The following B3GNT7 variants were observed in gnomAD, a reference collection of about 807,000 sequenced individuals.
B3GNT7 encodes the protein UDP-GlcNAc:betaGal beta-1,3-N-acetylglucosaminyltransferase 7.
In B3GNT7, 9 loss-of-function variants were observed where a neutral mutation model predicts 5.1. The observed-to-expected ratio is 1.77, with a 90% CI of 1.07 to 3.09. The LOEUF (loss-of-function observed/expected upper bound fraction) is 3.09, where lower values mean the gene tolerates loss of function less well. Among genes scored for constraint, B3GNT7 ranks in the 30% most tolerant of loss-of-function variants. B3GNT7 has a pLI of 0.00. For missense variants in B3GNT7, 468 were observed against 550.8 expected, an observed-to-expected ratio of 0.85 and a Z score of 1.50; for synonymous variants, 253 against 248.6, an observed-to-expected ratio of 1.02 and a Z score of -0.17.
rs1182559141 is a variant in B3GNT7 at position 231,401,050 on chromosome 2, C to G, written c.*2125C>G. On this transcript the variant is annotated 3_prime_UTR_variant, in exon 2 of 2. Transcript: ENST00000287590. Reference sequence around the variant, plus strand: ...TCTATTATGACCCTTTCACGTGGACCCCTTAGAGTTGTAAGCTCTTAAAAG... The same window carrying G: ...TCTATTATGACCCTTTCACGTGGACGCCTTAGAGTTGTAAGCTCTTAAAAG... 1 of 152,192 alleles carries G rather than the reference C, an allele frequency of 6.6e-6. No individual in the cohort carries two copies. Among genetic ancestry groups the G allele is most frequent in the Non-Finnish European group, 1.5e-5 (1 of 68,036 alleles). 9.4% of individuals were successfully genotyped at this position (152,192 alleles called of 1,614,324 possible).
At chr2:231,397,283 C>T in intron 1 of B3GNT7, 1 of 989,108 alleles carries the variant, frequency 1.0e-6, no homozygotes, top group African/African-American at 1.7e-5. Flanking sequence ...TGGGTAGGTA[C>T]ACCGCAGGGA....
chr2:231,398,762 A>G lies in B3GNT7; in HGVS notation c.1043A>G (p.Lys348Arg), dbSNP rs371784374. 41 of 1,609,222 alleles carry G rather than the reference A, an allele frequency of 2.5e-5. No homozygotes were observed. The African/African-American group carries it at 4.7e-4, about 18-fold the overall frequency. Residue 348 changes from lysine to arginine, a missense_variant, in exon 2 of 2, where the codon AAG (lysine) becomes AGG (arginine). Coordinates refer to ENST00000287590, the MANE Select transcript of B3GNT7 (RefSeq NM_145236.3). ...CAGCCCACGGCCCACGAGGGCTTCA[A>G]GACTTTCGGCATCTCCCGGAACCGC... ...GVQPTAHEGF[K>R]TFGISRNRNS...
chr2:231,396,570 T>C (rs2046516306), intron 1 of B3GNT7, among the ~76,000 whole-genome samples: 1 of 152,202 alleles, frequency 6.6e-6, no homozygotes, highest in South Asian at 2.1e-4. Context: ...GGCCTGGACC[T>C]GCAACCGGAC....
rs925730480 is a variant in B3GNT7, at chr2:231,399,997, G to C, written c.*1072G>C. ...TCTGCCCCGGTGAAGGGATGGATCAGCTGTGGGGGTGGGTGCAGAAGGTTG... is the reference window on the plus strand; with the variant it reads ...TCTGCCCCGGTGAAGGGATGGATCACCTGTGGGGGTGGGTGCAGAAGGTTG... On this transcript the variant is annotated 3_prime_UTR_variant, in exon 2 of 2. Transcript: ENST00000287590. 2.0e-5 allele frequency: 3 copies of C among 152,096 alleles called. No homozygotes were observed. The highest frequency in any genetic ancestry group is 7.3e-5 in the African/African-American group (3 of 41,336). 9.4% of individuals were successfully genotyped at this position (152,096 alleles called of 1,614,324 possible). A position where few individuals can be genotyped will look rare whatever the true frequency, so the allele number is the denominator to read the frequency against.
Position 231,398,536 on chromosome 2 carries a change from C to A in B3GNT7, c.817C>A (p.Arg273=). The part of the protein sequence containing the change: ...LFVGDVLQHA[R]PIRRKDNKYY... ...CGTGGGCGATGTCCTGCAGCACGCT[C>A]GGCCCATTCGCAGGAAAGACAACAA... Residue 273 remains arginine (R), a synonymous_variant, in exon 2 of 2, where the codon CGG becomes AGG. Coordinates refer to ENST00000287590, the MANE Select transcript of B3GNT7 (RefSeq NM_145236.3). 1 of 1,613,542 alleles carries A rather than the reference C, an allele frequency of 6.2e-7. No individual in the cohort carries two copies. Among genetic ancestry groups the A allele is most frequent in the South Asian group, 1.1e-5 (1 of 91,076 alleles).
Position 231,398,580 on chromosome 2 carries a change from C to G in B3GNT7, c.861C>G (p.Ala287=), listed in dbSNP as rs1376511850. The G allele has an allele frequency of 1.2e-6, 2 of 1,612,784 alleles. No individual in the cohort carries two copies. Among genetic ancestry groups the G allele is most frequent in the Admixed American group, 3.3e-5 (2 of 59,904 alleles). Residue 287 remains alanine (A), a synonymous_variant, in exon 2 of 2, where the codon GCC becomes GCG. Transcript: ENST00000287590. ...ACAACAAATACTACATCCCGGGGGCCCTGTACGGCAAGGCCAGCTATCCGC... is the reference window on the plus strand; with the variant it reads ...ACAACAAATACTACATCCCGGGGGCGCTGTACGGCAAGGCCAGCTATCCGC... ...RKDNKYYIPG[A]LYGKASYPPY... is the part of the protein sequence containing the mutation.
Position 231,395,711 on chromosome 2 carries a change from T to A in B3GNT7, c.-93T>A, listed in dbSNP as rs1575236442. On this transcript the variant is annotated 5_prime_UTR_variant, in exon 1 of 2. Transcript: ENST00000287590. The surrounding 1 kb of genome is among the most constrained non-coding windows in gnomAD (Gnocchi z 7.3). ...GTCGCGGCGGGGGCGCGGCCCGGTC[T>A]CCGTCCCCACCCGCCCGCCGTCCCG... is the stretch of plus-strand genomic sequence containing the variant. 2 of 1,117,036 alleles carry A rather than the reference T, an allele frequency of 1.8e-6. No homozygotes were observed. Among genetic ancestry groups the A allele is most frequent in the East Asian group, 4.8e-5 (1 of 20,882 alleles). 69.2% of individuals were successfully genotyped at this position (1,117,036 alleles called of 1,614,324 possible). A position where few individuals can be genotyped will look rare whatever the true frequency, so the allele number is the denominator to read the frequency against.
At position 231,398,437 on chromosome 2, in the gene B3GNT7, G is replaced by T; in HGVS notation, c.718G>T (p.Asp240Tyr). ...CCACGTCCCCTTCATTTTCAAAGGC[G>T]ACGATGACGTCTTCGTCAACCCCAC... ...CPHVPFIFKGDDDVFVNPTNL... is the reference protein window; with the variant it reads ...CPHVPFIFKGYDDVFVNPTNL... Residue 240 changes from aspartate to tyrosine, a missense_variant, in exon 2 of 2, where the codon GAC (aspartate) becomes TAC (tyrosine). Transcript: ENST00000287590. 2 of 1,613,756 alleles carry T rather than the reference G, an allele frequency of 1.2e-6. No individual in the cohort carries two copies. The highest frequency in any genetic ancestry group is 1.7e-6 in the Non-Finnish European group (2 of 1,179,868).
intron 1 of B3GNT7, chr2:231,397,153 C>T (rs542960530): frequency 5.1e-6 from 5 of 982,292 alleles, no homozygotes; most frequent in South Asian, 9.4e-5. Flanking sequence ...GTCCCAAGCT[C>T]GAGCCACTCT....
Position 231,398,028 on chromosome 2 carries a change from C to T in B3GNT7, c.309C>T (p.Val103=). Residue 103 remains valine (V), a synonymous_variant, in exon 2 of 2, where the codon GTC becomes GTT. Coordinates refer to ENST00000287590, the MANE Select transcript of B3GNT7 (RefSeq NM_145236.3). The part of the protein sequence containing the change: ...INLTHQPWFQ[V]LEPQFRQFLF... ...TGACCCACCAGCCCTGGTTCCAGGT[C>T]CTGGAGCCGCAGTTCCGGCAGTTTC... The T allele has an allele frequency of 1.1e-5, 17 of 1,610,136 alleles. No individual in the cohort carries two copies. The highest frequency in any genetic ancestry group is 1.4e-5 in the Non-Finnish European group (17 of 1,179,888).
At chr2:231,396,710 G>A (rs2046517931) in intron 1 of B3GNT7, among the ~76,000 whole-genome samples, 1 of 152,234 alleles carries the variant, frequency 6.6e-6, no homozygotes, top group African/African-American at 2.4e-5. Flanking sequence ...TGTCCCCAGA[G>A]CTCTCAGCCC....
In B3GNT7 at chr2:231,397,786, A is replaced by G; in HGVS notation, c.67A>G (p.Thr23Ala). 6.2e-7 allele frequency: 1 copy of G among 1,613,780 alleles called. No individual in the cohort carries two copies. Among genetic ancestry groups the G allele is most frequent in the Non-Finnish European group, 8.5e-7 (1 of 1,179,876 alleles). The change falls in exon 2 of 2, where the codon ACG becomes GCG. Residue 23 changes from threonine to alanine, a missense_variant. By Grantham distance (58) the Thr-to-Ala change is moderately conservative (BLOSUM62 0). Coordinates refer to ENST00000287590, the MANE Select transcript of B3GNT7 (RefSeq NM_145236.3). ...GGCCCTGGCCCTGCTCGTGGCCGTG[A>G]CGGTGTTCCAACGCAGTCTCACCCC... ...CLALALLVAV[T>A]VFQRSLTPGQ...
chr2:231,398,135 T>C lies in B3GNT7; in HGVS notation c.416T>C (p.Val139Ala). ...KCRGDVYLLV[V>A]VKSVITQHDR... ...AGGGGCGATGTCTACCTGCTGGTGG[T>C]TGTCAAGTCGGTCATCACGCAGCAC... The change falls in exon 2 of 2, where the codon GTT becomes GCT. Residue 139 changes from valine (V) to alanine (A), a missense_variant. By Grantham distance (64) the Val-to-Ala change is moderately conservative. Transcript: ENST00000287590. 1 of 1,603,020 alleles carries C rather than the reference T, an allele frequency of 6.2e-7. No individual in the cohort carries two copies. The highest frequency in any genetic ancestry group is 1.1e-5 in the South Asian group (1 of 89,724).
chr2:231,400,214 T>G lies in B3GNT7; in HGVS notation c.*1289T>G, dbSNP rs538442550. 6.6e-6 allele frequency: 1 copy of G among 151,848 alleles called. No individual in the cohort carries two copies. Among genetic ancestry groups the G allele is most frequent in the Non-Finnish European group, 1.5e-5 (1 of 68,004 alleles). 9.4% of individuals were successfully genotyped at this position (151,848 alleles called of 1,614,324 possible). ...TGAAGACACAGCTTGTTCCTTGTTC[T>G]TGGCTGGTGGGTGCACAAGGACTTC... On this transcript the variant is annotated 3_prime_UTR_variant, in exon 2 of 2. Coordinates refer to ENST00000287590, the MANE Select transcript of B3GNT7 (RefSeq NM_145236.3).
Position 231,399,218 on chromosome 2 carries a change from G to C in B3GNT7, c.*293G>C. ...CCCTCCTGACCTGGGTCCGTTGCTG[G>C]CCCCCTCAGATGTGGTGGGAGGTCC... On this transcript the variant is annotated 3_prime_UTR_variant, in exon 2 of 2. Transcript: ENST00000287590. The C allele has an allele frequency of 4.5e-6, 2 of 448,982 alleles. No individual in the cohort carries two copies. Among genetic ancestry groups the C allele is most frequent in the Non-Finnish European group, 8.0e-6 (2 of 248,518 alleles). The allele number at this position is 448,982 out of a possible 1,614,324, so 27.8% of individuals were successfully genotyped here. A position where few individuals can be genotyped will look rare whatever the true frequency, so the allele number is the denominator to read the frequency against.
At position 231,400,086 on chromosome 2, in the gene B3GNT7, A is replaced by G. The variant is rs1445088021; in HGVS notation, c.*1161A>G. 1 of 149,590 alleles carries G rather than the reference A, an allele frequency of 6.7e-6. No individual in the cohort carries two copies. Among genetic ancestry groups the G allele is most frequent in the African/African-American group, 2.5e-5 (1 of 40,402 alleles). 9.3% of individuals were successfully genotyped at this position (149,590 alleles called of 1,614,324 possible). Reference sequence around the variant, plus strand: ...GAGGGATTGACACTATTTTCTCAATAAAATGGGACTTTTTTTTTTTTTTTT... The same window carrying G: ...GAGGGATTGACACTATTTTCTCAATGAAATGGGACTTTTTTTTTTTTTTTT... On this transcript the variant is annotated 3_prime_UTR_variant, in exon 2 of 2. Transcript: ENST00000287590.
Position 231,398,437 on chromosome 2 carries a change from G to C in B3GNT7, c.718G>C (p.Asp240His). The part of the protein sequence containing the change: ...CPHVPFIFKG[D>H]DDVFVNPTNL... ...CCACGTCCCCTTCATTTTCAAAGGC[G>C]ACGATGACGTCTTCGTCAACCCCAC... The change falls in exon 2 of 2, where the codon GAC (aspartate) becomes CAC (histidine). Residue 240 changes from aspartate (D) to histidine (H), a missense_variant. Transcript: ENST00000287590. 1 of 1,613,756 alleles carries C rather than the reference G, an allele frequency of 6.2e-7. No individual in the cohort carries two copies. Among genetic ancestry groups the C allele is most frequent in the Non-Finnish European group, 8.5e-7 (1 of 1,179,868 alleles).
rs757645962 is a variant in B3GNT7, at chr2:231,398,870, TGTGGGGGCTG to T, written c.1155_1164del (p.Trp385CysfsTer29). Reference sequence around the variant, plus strand: ...CTGCTGCCCCCTGAGCTGCTCGCCATGTGGGGGCTGGTGCACAGCAATCTCACCTGCTCCC... The same window carrying T: ...CTGCTGCCCCCTGAGCTGCTCGCCATGTGCACAGCAATCTCACCTGCTCCC... On this transcript the variant is annotated frameshift_variant, in exon 2 of 2. Coordinates refer to ENST00000287590, the MANE Select transcript of B3GNT7 (RefSeq NM_145236.3). LOFTEE classifies it high-confidence loss of function. The T allele has an allele frequency of 6.3e-6, 10 of 1,597,450 alleles. No homozygotes were observed. In the Admixed American group the frequency reaches 1.2e-4, roughly 19 times the overall value.
At position 231,398,608 on chromosome 2, in the gene B3GNT7, T is replaced by A. The variant is rs2046537082; in HGVS notation, c.889T>A (p.Tyr297Asn). 3 of 1,612,682 alleles carry A rather than the reference T, an allele frequency of 1.9e-6. No homozygotes were observed. Among genetic ancestry groups the A allele is most frequent in the Non-Finnish European group, 2.5e-6 (3 of 1,179,608 alleles). Reference sequence around the variant, plus strand: ...GTACGGCAAGGCCAGCTATCCGCCGTATGCAGGCGGCGGTGGCTTCCTCAT... The same window carrying A: ...GTACGGCAAGGCCAGCTATCCGCCGAATGCAGGCGGCGGTGGCTTCCTCAT... ...ALYGKASYPP[Y>N]AGGGGFLMAG... The change falls in exon 2 of 2, where the codon TAT becomes AAT. Residue 297 changes from tyrosine to asparagine, a missense_variant. Transcript: ENST00000287590.
Sources: allele counts gnomAD v4.1 joint callset (sites outside exome capture counted in the v4.1 genomes callset), GRCh38; gene constraint gnomAD v4.1.1; non-coding constraint Gnocchi (gnomAD v3.1); transcripts MANE v1.5; gene names NCBI Gene and HGNC (gene_info 2026-07-23, HGNC 2026-07-21).